The following COL26A1 variants were observed in gnomAD, a reference collection of about 807,000 sequenced individuals.
The protein encoded by COL26A1 is collagen alpha-1(XXVI) chain.
In COL26A1, 41 loss-of-function variants were observed where a neutral mutation model predicts 59.3. That is an observed-to-expected ratio of 0.69 (90% CI 0.54 to 0.90). The LOEUF (loss-of-function observed/expected upper bound fraction) is 0.90, where lower values mean the gene tolerates loss of function less well. COL26A1 is among the 40% of genes least tolerant of loss of function. COL26A1 has a pLI of 0.00. For synonymous variants in COL26A1, 266 were observed against 256.0 expected, an observed-to-expected ratio of 1.04 and a Z score of -0.37; for missense variants, 612 against 602.3, an observed-to-expected ratio of 1.02 and a Z score of -0.17.
At position 101,447,744 on chromosome 7, in the gene COL26A1, G is replaced by A. The variant is rs1457943890; in HGVS notation, c.342G>A (p.Glu114=). 6.2e-7 allele frequency: 1 copy of A among 1,606,898 alleles called. No homozygotes were observed. The highest frequency in any genetic ancestry group is 8.5e-7 in the Non-Finnish European group (1 of 1,176,908). ...CCTACCGCACGGTGACGGTGCTGGA[G>A]TGGAGATGCTGCCCTGGCTTCACCG... ...RVSYRTVTVL[E]WRCCPGFTGS... Residue 114 remains glutamate, a synonymous_variant, in exon 3 of 13, where the codon GAG becomes GAA. Coordinates refer to ENST00000313669, the MANE Select transcript of COL26A1 (RefSeq NM_001278563.3).
chr7:101,482,788 C>A (rs769786837), intron 3 of COL26A1, among the ~76,000 whole-genome samples: 2 of 152,182 alleles, frequency 1.3e-5, no homozygotes, highest in Non-Finnish European at 2.9e-5. Context: ...GAAAACCTAT[C>A]TCTACTAAAA....
intron 3 of COL26A1, among the ~76,000 whole-genome samples, chr7:101,506,588 CCTGAGCTCTGGGACA>C (rs1207446004): frequency 6.6e-6 from 1 of 152,178 alleles, no homozygotes; most frequent in African/African-American, 2.4e-5. Flanking sequence ...GGGTACCAGC[CCTGAGCTCTGGGACA>C]CTGGATCCCT....
At chr7:101,549,125 C>G (rs559782780) in intron 8 of COL26A1, 46 bp from the exon 9 acceptor site, 1 of 1,108,398 alleles carries the variant, frequency 9.0e-7, no homozygotes, top group Non-Finnish European at 1.3e-6. Flanking sequence ...AGGCTGGGGG[C>G]GCCCCCTCTC....
intron 3 of COL26A1, among the ~76,000 whole-genome samples, chr7:101,503,686 G>A (rs1794749449): frequency 6.6e-6 from 1 of 152,190 alleles, no homozygotes; most frequent in African/African-American, 2.4e-5. Context: ...CCAGCTAAGG[G>A]TCTGCATGGC....
chr7:101,551,777 C>G (rs1795868299), intron 10 of COL26A1, among the ~76,000 whole-genome samples: 1 of 151,994 alleles, frequency 6.6e-6, no homozygotes, highest in African/African-American at 2.4e-5. Flanking sequence ...AGTATAGACT[C>G]CTGCCTCTAG....
chr7:101,369,073 C>T (rs4473961), intron 1 of COL26A1, among the ~76,000 whole-genome samples: 87,610 of 151,342 alleles, frequency 0.58, 26,886 homozygotes, highest in African/African-American at 0.8. Flanking sequence ...TTCAACTTGG[C>T]CTTTTTCCAT....
chr7:101,375,052 TC>T (rs1194096220), intron 1 of COL26A1, among the ~76,000 whole-genome samples: 1 of 128,252 alleles, frequency 7.8e-6, no homozygotes, highest in Non-Finnish European at 1.6e-5. Context: ...AGAGTAAGAC[TC>T]CATCTTAAAA....
rs74973427 is a variant in COL26A1 at position 101,419,618 on chromosome 7, G to A, written c.159-359G>A. 6.2e-4 allele frequency among the ~76,000 whole-genome samples: 95 copies of A among 152,318 alleles called. 2 individuals carry two copies. In the East Asian group the frequency reaches 0.015, roughly 23 times the overall value. On this transcript the variant is annotated intron_variant, in intron 1 of 12. Transcript: ENST00000313669. ...CCTGCTGGGCGAGATGCCCTGCTCC[G>A]TTCCTGTAGCTTGTGTGTTCACCAC... is the stretch of plus-strand genomic sequence containing the variant.
intron 1 of COL26A1, among the ~76,000 whole-genome samples, chr7:101,368,987 T>C (rs985302057): frequency 7.3e-6 from 1 of 137,232 alleles, no homozygotes; most frequent in Non-Finnish European, 1.6e-5. Flanking sequence ...CGTAACAGTG[T>C]GTATGAGTAT....
chr7:101,434,104 T>C (rs1317474968), intron 2 of COL26A1, among the ~76,000 whole-genome samples: 1 of 115,980 alleles, frequency 8.6e-6, no homozygotes, highest in African/African-American at 3.3e-5. Flanking sequence ...TTCTTTCTGC[T>C]TTCTTTCTTT....
intron 3 of COL26A1, among the ~76,000 whole-genome samples, chr7:101,481,979 AATG>A (rs1423509268): frequency 6.6e-6 from 1 of 151,984 alleles, no homozygotes; most frequent in Non-Finnish European, 1.5e-5. Context: ...TGCTAACAAT[AATG>A]ATTATTATTA....
intron 3 of COL26A1, among the ~76,000 whole-genome samples, chr7:101,507,308 A>G (rs182740220): frequency 3.3e-5 from 5 of 151,506 alleles, no homozygotes; most frequent in Admixed American, 2.0e-4. Context: ...CAAAGCCTCA[A>G]CTCTCTCCTT....
chr7:101,400,869 T>G (rs1791980333), intron 1 of COL26A1, among the ~76,000 whole-genome samples: 1 of 152,106 alleles, frequency 6.6e-6, no homozygotes. Context: ...CACACCGCCT[T>G]CCTTCCTTCA....
intron 3 of COL26A1, among the ~76,000 whole-genome samples, chr7:101,460,129 G>A (rs980363252): frequency 3.3e-5 from 5 of 152,170 alleles, no homozygotes; most frequent in African/African-American, 4.8e-5. Context: ...AATGAGCCGA[G>A]TGCATAGCAC....
At chr7:101,363,375 G>A (rs1790950276) in intron 1 of COL26A1, among the ~76,000 whole-genome samples, 185 bp downstream of exon 1, 1 of 148,834 alleles carries the variant, frequency 6.7e-6, no homozygotes, top group Non-Finnish European at 1.5e-5. Flanking sequence ...AGCTGGAGGG[G>A]GTTGGGGTGC....
chr7:101,405,307 G>A (rs1009865664), intron 1 of COL26A1, among the ~76,000 whole-genome samples: 1 of 151,848 alleles, frequency 6.6e-6, no homozygotes, highest in Non-Finnish European at 1.5e-5. Context: ...GTAAGGAAAG[G>A]AGACAAGACT....
At chr7:101,428,985 C>T (rs989765656) in intron 2 of COL26A1, among the ~76,000 whole-genome samples, 4 of 149,172 alleles carry the variant, frequency 2.7e-5, no homozygotes, top group East Asian at 3.9e-4. Context: ...AGTGCAGTGA[C>T]GTGATCTTGG....
intron 3 of COL26A1, among the ~76,000 whole-genome samples, chr7:101,515,359 G>A (rs188859934): frequency 3.6e-4 from 54 of 151,976 alleles, no homozygotes; most frequent in African/African-American, 1.2e-3. Flanking sequence ...CGATCGGCTC[G>A]CTGCAACCTA....
intron 3 of COL26A1, among the ~76,000 whole-genome samples, chr7:101,477,333 C>T (rs953561275): frequency 2.6e-5 from 4 of 151,984 alleles, no homozygotes; most frequent in African/African-American, 7.2e-5. Context: ...CATGTTTGTG[C>T]GTGTTTGTGT....
Sources: allele counts gnomAD v4.1 joint callset (sites outside exome capture counted in the v4.1 genomes callset), GRCh38; gene constraint gnomAD v4.1.1; transcripts MANE v1.5; gene names NCBI Gene and HGNC (gene_info 2026-07-23, HGNC 2026-07-21).